Variants in LHFPL6 observed in about 807,000 individuals in gnomAD.
LHFPL6 encodes the protein LHFPL tetraspan subfamily member 6, also known as LHFPL tetraspan subfamily member 6 protein.
LHFPL6 carries 9 observed loss-of-function variants against 20.6 expected under a neutral mutation model. The observed-to-expected ratio is 0.44, with a 90% CI of 0.26 to 0.76. The LOEUF (loss-of-function observed/expected upper bound fraction) is 0.76. Among genes scored for constraint, LHFPL6 ranks in the 30% least tolerant of loss-of-function variants. The pLI is 0.20. For missense variants in LHFPL6, 218 were observed against 253.5 expected (o/e 0.86, Z 0.95); for synonymous variants, 105 against 98.7 (o/e 1.06, Z -0.38).
At chr13:39,565,949 T>C (rs989190711) in intron 2 of LHFPL6, among the ~76,000 whole-genome samples, 2 of 152,136 alleles carry the variant, frequency 1.3e-5, no homozygotes, top group African/African-American at 4.8e-5. Flanking sequence ...AGAGACCAAA[T>C]CAACAGAAAA....
chr13:39,428,550 C>T (rs1399931323), intron 2 of LHFPL6, among the ~76,000 whole-genome samples: 3 of 152,102 alleles, frequency 2.0e-5, no homozygotes, highest in Non-Finnish European at 2.9e-5. Flanking sequence ...TATCACCTTC[C>T]TCATTCCTGA....
intron 2 of LHFPL6, among the ~76,000 whole-genome samples, chr13:39,407,036 C>T (rs957503303): frequency 2.6e-5 from 4 of 152,244 alleles, no homozygotes; most frequent in Non-Finnish European, 5.9e-5. Flanking sequence ...TTGCAGCACA[C>T]ATGGCTAGAT....
intron 2 of LHFPL6, among the ~76,000 whole-genome samples, chr13:39,431,177 C>T (rs968438252): frequency 7.1e-6 from 1 of 141,746 alleles, no homozygotes; most frequent in African/African-American, 2.8e-5. Flanking sequence ...GGAAGAAACT[C>T]TGGACACATC....
chr13:39,576,644 T>C (rs1872124807), intron 2 of LHFPL6, among the ~76,000 whole-genome samples: 1 of 151,932 alleles, frequency 6.6e-6, no homozygotes, highest in Admixed American at 6.6e-5. Flanking sequence ...TTCTTAATAA[T>C]TTTTTTTGAG....
chr13:39,379,290 G>C (rs562541882), intron 2 of LHFPL6, among the ~76,000 whole-genome samples: 1 of 152,302 alleles, frequency 6.6e-6, no homozygotes, highest in Admixed American at 6.5e-5. Flanking sequence ...GGTTTTACAA[G>C]AAGCTAAACG....
At chr13:39,532,292 G>A (rs1021560764) in intron 2 of LHFPL6, among the ~76,000 whole-genome samples, 1 of 152,196 alleles carries the variant, frequency 6.6e-6, no homozygotes, top group Non-Finnish European at 1.5e-5. Flanking sequence ...GACATTCACA[G>A]CCCTCCACAA....
chr13:39,588,178 A>G (rs1242298406), intron 2 of LHFPL6, among the ~76,000 whole-genome samples: 1 of 152,208 alleles, frequency 6.6e-6, no homozygotes, highest in Non-Finnish European at 1.5e-5. Context: ...AGCAAAACAC[A>G]GAAGTGTGTG....
rs1593338495 is a variant in LHFPL6 at position 39,502,460 on chromosome 13, A to G, written c.385+98372T>C. 2.7e-4 allele frequency among the ~76,000 whole-genome samples: 4 copies of G among 14,962 alleles called. No homozygotes were observed. In the South Asian group the frequency reaches 0.032, roughly 121 times the overall value. 9.8% of individuals were successfully genotyped at this position (14,962 alleles called of 152,430 possible). ...ATGGTGAGACTCCGTCTCTACAAAA[A>G]ATTAAAAAAAAAAAAAAATAGGCAT... On this transcript the variant is annotated intron_variant, in intron 2 of 3. Transcript: ENST00000379589.
At chr13:39,585,191 G>A (rs1449180232) in intron 2 of LHFPL6, among the ~76,000 whole-genome samples, 3 of 152,192 alleles carry the variant, frequency 2.0e-5, no homozygotes, top group African/African-American at 7.2e-5. Context: ...GAGCTTGAGG[G>A]AATACACAGA....
At chr13:39,468,472 C>A (rs555652449) in intron 2 of LHFPL6, among the ~76,000 whole-genome samples, 1 of 148,408 alleles carries the variant, frequency 6.7e-6, no homozygotes, top group African/African-American at 2.5e-5. Flanking sequence ...TGGTATTGAG[C>A]AGTTCCTGAA....
At chr13:39,417,868 G>A (rs1871384613) in intron 2 of LHFPL6, among the ~76,000 whole-genome samples, 1 of 152,132 alleles carries the variant, frequency 6.6e-6, no homozygotes, top group Non-Finnish European at 1.5e-5. Flanking sequence ...ACACAAACAT[G>A]TTTAGAAAGC....
chr13:39,575,118 C>T (rs111772556), intron 2 of LHFPL6, among the ~76,000 whole-genome samples: 36 of 152,192 alleles, frequency 2.4e-4, no homozygotes, highest in Middle Eastern at 3.4e-3. Context: ...TTCTATTCCC[C>T]GCCTGTCCCT....
chr13:39,468,245 T>C (rs1166203042), intron 2 of LHFPL6, among the ~76,000 whole-genome samples: 1 of 152,250 alleles, frequency 6.6e-6, no homozygotes, highest in Non-Finnish European at 1.5e-5. Flanking sequence ...TTTCTCCTAA[T>C]TCCTTTCTGA....
chr13:39,354,132 G>T (rs1392076894), intron 3 of LHFPL6, among the ~76,000 whole-genome samples: 1 of 152,148 alleles, frequency 6.6e-6, no homozygotes, highest in Non-Finnish European at 1.5e-5. Flanking sequence ...AAAGAAGTGT[G>T]CCACTGAGTA....
intron 2 of LHFPL6, among the ~76,000 whole-genome samples, chr13:39,427,033 G>A (rs986193460): frequency 1.3e-5 from 2 of 149,750 alleles, no homozygotes; most frequent in African/African-American, 2.5e-5. Context: ...CCACTGAATT[G>A]CCTTAATTGC....
chr13:39,602,356 GT>G (rs111270685), intron 1 of LHFPL6, among the ~76,000 whole-genome samples: 4 of 151,912 alleles, frequency 2.6e-5, no homozygotes, highest in African/African-American at 9.7e-5. Flanking sequence ...GCCCCTACCC[GT>G]TTTTTTCTCT....
At chr13:39,435,095 A>G (rs1871921996) in intron 2 of LHFPL6, among the ~76,000 whole-genome samples, 4 of 151,286 alleles carry the variant, frequency 2.6e-5, no homozygotes, top group Non-Finnish European at 5.9e-5. Flanking sequence ...AAAGAAGTAA[A>G]TCAACCTCAG....
intron 2 of LHFPL6, among the ~76,000 whole-genome samples, chr13:39,449,354 T>C (rs1872379931): frequency 6.6e-6 from 1 of 152,220 alleles, no homozygotes; most frequent in African/African-American, 2.4e-5. Flanking sequence ...AAAAGGTTAG[T>C]GTTATAATAA....
intron 2 of LHFPL6, among the ~76,000 whole-genome samples, chr13:39,432,835 A>G (rs1871852502): frequency 6.6e-6 from 1 of 152,248 alleles, no homozygotes; most frequent in South Asian, 2.1e-4. Context: ...TAGCCAATAC[A>G]TGGTCATTGA....
Sources: allele counts gnomAD v4.1 joint callset (sites outside exome capture counted in the v4.1 genomes callset), GRCh38; gene constraint gnomAD v4.1.1; transcripts MANE v1.5; gene names NCBI Gene and HGNC (gene_info 2026-07-23, HGNC 2026-07-21).